The following PDE10A variants were observed in gnomAD, a reference collection of about 807,000 sequenced individuals.
PDE10A encodes cAMP and cAMP-inhibited cGMP 3',5'-cyclic phosphodiesterase 10A.
PDE10A carries 39 observed loss-of-function variants against 97.7 expected under a neutral mutation model. The observed-to-expected ratio is 0.40, with a 90% CI of 0.31 to 0.52. The LOEUF is 0.52. Among genes scored for constraint, PDE10A ranks in the 20% least tolerant of loss-of-function variants. PDE10A has a pLI of 0.56. For missense variants in PDE10A, 731 were observed against 1,047.8 expected (o/e 0.70, Z 4.17); for synonymous variants, 371 against 376.8 (o/e 0.98, Z 0.18).
chr6:165,568,339 C>T (rs180816253), intron 1 of PDE10A, among the ~76,000 whole-genome samples: 27 of 152,220 alleles, frequency 1.8e-4, no homozygotes, highest in African/African-American at 6.5e-4. Flanking sequence ...ACCCACCCTC[C>T]TTATCCACGG....
At chr6:165,958,502 A>G (rs1286239877) in intron 1 of PDE10A, among the ~76,000 whole-genome samples, 1 of 7,158 alleles carries the variant, frequency 1.4e-4, no homozygotes, top group Non-Finnish European at 2.4e-4. Context: ...GAAAGACAAG[A>G]AAGAAAGAAA....
chr6:165,421,421 C>T (rs950935595), intron 10 of PDE10A, among the ~76,000 whole-genome samples: 3 of 151,980 alleles, frequency 2.0e-5, no homozygotes, highest in Middle Eastern at 3.4e-3. Context: ...CCAGCCTGGG[C>T]GACAGAGCAA....
At chr6:165,651,378 C>T (rs1583717297) in intron 1 of PDE10A, among the ~76,000 whole-genome samples, 1 of 152,160 alleles carries the variant, frequency 6.6e-6, no homozygotes, top group South Asian at 2.1e-4. Context: ...TTTGCTTAAT[C>T]ATTTCTAGGA....
chr6:165,554,278 T>C (rs1784147134), intron 1 of PDE10A, among the ~76,000 whole-genome samples: 1 of 152,056 alleles, frequency 6.6e-6, no homozygotes, highest in Non-Finnish European at 1.5e-5. Context: ...AAGGGATGAA[T>C]AACCAGAATA....
At chr6:165,726,776 C>T (rs893394076) in intron 1 of PDE10A, among the ~76,000 whole-genome samples, 2 of 151,908 alleles carry the variant, frequency 1.3e-5, no homozygotes, top group African/African-American at 4.8e-5. Context: ...CTGCGGTTCT[C>T]CCTCGCGGGA....
chr6:165,362,059 T>C (rs1439983262), intron 18 of PDE10A, among the ~76,000 whole-genome samples: 1 of 152,004 alleles, frequency 6.6e-6, no homozygotes, highest in Non-Finnish European at 1.5e-5. Context: ...TAGAGGAAAA[T>C]TTAGAGCTAT....
At chr6:165,566,029 C>T (rs1050097841) in intron 1 of PDE10A, among the ~76,000 whole-genome samples, 1 of 152,076 alleles carries the variant, frequency 6.6e-6, no homozygotes, top group Admixed American at 6.6e-5. Flanking sequence ...ATGTCATTTA[C>T]TTTTTAGAAG....
At chr6:165,747,372 T>G (rs1344173745) in intron 1 of PDE10A, among the ~76,000 whole-genome samples, 1 of 152,198 alleles carries the variant, frequency 6.6e-6, no homozygotes, top group Admixed American at 6.5e-5. Flanking sequence ...AACACTGGTA[T>G]GGGGCACACT....
chr6:165,421,800 C>A (rs541945513), intron 10 of PDE10A, among the ~76,000 whole-genome samples: 1 of 152,158 alleles, frequency 6.6e-6, no homozygotes, highest in Non-Finnish European at 1.5e-5. Context: ...CAGGGGCTCA[C>A]GCTGTACTTC....
chr6:165,838,490 C>A (rs1490867135), intron 1 of PDE10A, among the ~76,000 whole-genome samples: 1 of 152,186 alleles, frequency 6.6e-6, no homozygotes, highest in African/African-American at 2.4e-5. Context: ...GATTGTGCAA[C>A]CATAACCACT....
chr6:165,555,108 C>T (rs376179907), intron 1 of PDE10A, among the ~76,000 whole-genome samples: 1 of 152,172 alleles, frequency 6.6e-6, no homozygotes, highest in East Asian at 1.9e-4. Context: ...CTGTTTGATA[C>T]CACATTAGGG....
Position 165,660,183 on chromosome 6 carries a change from G to A in PDE10A, c.865+1764C>T, listed in dbSNP as rs1380979301. The stretch of plus-strand genomic sequence containing the variant: ...ATAGGCTGATGCCAACACCCCGGGA[G>A]AGCTGGTGGGGCCCCATCCTCTACC... On this transcript the variant is annotated intron_variant, in intron 1 of 21. Transcript: ENST00000539869. 4 of 152,512 alleles carry A rather than the reference G, an allele frequency of 2.6e-5. No homozygotes were observed. In the East Asian group the frequency reaches 7.7e-4, roughly 29 times the overall value. The allele number at this position is 152,512 out of a possible 1,614,324, so 9.4% of individuals were successfully genotyped here. A position where few individuals can be genotyped will look rare whatever the true frequency, so the allele number is the denominator to read the frequency against.
intron 1 of PDE10A, among the ~76,000 whole-genome samples, chr6:165,760,481 T>C (rs1416468771): frequency 1.3e-5 from 2 of 152,220 alleles, no homozygotes; most frequent in African/African-American, 4.8e-5. Context: ...GTTTAGCAGA[T>C]TGGACCAGAT....
At chr6:165,980,251 G>A (rs1784972614) in intron 1 of PDE10A, among the ~76,000 whole-genome samples, 1 of 152,206 alleles carries the variant, frequency 6.6e-6, no homozygotes, top group Non-Finnish European at 1.5e-5. Flanking sequence ...AACTGCATAA[G>A]AAAATTACAG....
chr6:165,358,838 G>A (rs1036586651), intron 18 of PDE10A, among the ~76,000 whole-genome samples: 1 of 151,542 alleles, frequency 6.6e-6, no homozygotes, highest in South Asian at 2.1e-4. Context: ...TACAGTTTCA[G>A]TAGATAAATA....
At chr6:165,602,809 C>T (rs1056470140) in intron 1 of PDE10A, among the ~76,000 whole-genome samples, 1 of 152,076 alleles carries the variant, frequency 6.6e-6, no homozygotes, top group Non-Finnish European at 1.5e-5. Context: ...TATAAGAAGA[C>T]GGCCACCTCT....
At chr6:165,698,423 G>C (rs1791491119) in intron 1 of PDE10A, among the ~76,000 whole-genome samples, 1 of 152,174 alleles carries the variant, frequency 6.6e-6, no homozygotes, top group Admixed American at 6.5e-5. Flanking sequence ...CTTACATAGG[G>C]AACACTACTT....
chr6:165,521,321 C>T (rs968414700), intron 2 of PDE10A, among the ~76,000 whole-genome samples: 1 of 152,060 alleles, frequency 6.6e-6, no homozygotes, highest in East Asian at 1.9e-4. Flanking sequence ...ACTAACAACC[C>T]TACAATGGCC....
intron 1 of PDE10A, among the ~76,000 whole-genome samples, chr6:165,977,579 T>A (rs559043203): frequency 6.6e-6 from 1 of 152,236 alleles, no homozygotes; most frequent in African/African-American, 2.4e-5. Flanking sequence ...AGATTCTATA[T>A]CTGAATTTTA....
Sources: gnomAD v4.1 joint callset for allele counts (sites outside exome capture counted in the v4.1 genomes callset) on GRCh38, gnomAD v4.1.1 for gene constraint, MANE v1.5 for transcripts, NCBI Gene and HGNC (gene_info 2026-07-23, HGNC 2026-07-21) for gene names.